AFDN: variants seen among roughly 807,000 people sequenced by gnomAD.
The protein encoded by AFDN is afadin.
AFDN carries 68 observed loss-of-function variants against 216.6 expected under a neutral mutation model. The observed-to-expected ratio is 0.31, with a 90% CI of 0.26 to 0.38. The LOEUF (loss-of-function observed/expected upper bound fraction) is 0.38, where lower values mean the gene tolerates loss of function less well. Among genes scored for constraint, AFDN ranks in the 10% least tolerant of loss-of-function variants. The probability of loss-of-function intolerance (pLI) is 1.00; values close to 1 mark genes in which losing one functional copy is unlikely to be tolerated. For synonymous variants in AFDN, 868 were observed against 853.7 expected (o/e 1.02, Z -0.29); for missense variants, 2,136 against 2,342.0 (o/e 0.91, Z 1.82).
intron 1 of AFDN, among the ~76,000 whole-genome samples, chr6:167,828,098 T>C (rs924969756): frequency 3.9e-5 from 6 of 152,190 alleles, no homozygotes; most frequent in South Asian, 2.1e-4. Context: ...GGTTCCGCGC[T>C]CTGTTCATTC....
chr6:167,828,003 T>G (rs1246407899), intron 1 of AFDN: 1 of 152,044 alleles, frequency 6.6e-6, no homozygotes, highest in Non-Finnish European at 1.5e-5. Flanking sequence ...AATGTTTGAG[T>G]CCAAGTCCAC....
At chr6:167,874,517 T>C (rs1785126495) in intron 4 of AFDN, among the ~76,000 whole-genome samples, 12 of 152,102 alleles carry the variant, frequency 7.9e-5, no homozygotes, top group Admixed American at 7.9e-4. Flanking sequence ...TTTTTGAAAA[T>C]TTAACTTCAA....
In AFDN at chr6:167,948,457, T is replaced by A. The variant is rs1562729037; in HGVS notation, c.3810T>A (p.Asn1270Lys). Residue 1270 changes from asparagine (N) to lysine (K), a missense_variant, in exon 29 of 34, where the codon AAT becomes AAA. Asn to Lys is a moderately conservative substitution (Grantham distance 94). Around this residue, in one of 8 missense-constraint regions of AFDN, gnomAD observed 981 missense variants for 966.0 expected, o/e 1.02. Transcript: ENST00000683244. The stretch of plus-strand genomic sequence containing the variant: ...AGCCACATATGCACACAGATAGTAA[T>A]CATTCCAGTATTGCAATTCAGGTTA... ...EEKPHMHTDSNHSSIAIQRVT... is the reference protein window; with the variant it reads ...EEKPHMHTDSKHSSIAIQRVT... 6.2e-7 allele frequency: 1 copy of A among 1,614,124 alleles called. No individual in the cohort carries two copies. The highest frequency in any genetic ancestry group is 1.7e-5 in the Admixed American group (1 of 60,022).
chr6:167,875,317 T>A lies in AFDN; in HGVS notation c.579-18T>A. On this transcript the variant is annotated intron_variant, in intron 4 of 33. Coordinates refer to ENST00000683244, the MANE Select transcript of AFDN (RefSeq NM_001386888.1). ...AAAACAGTGTTTAAAATATTTTTGG[T>A]ATTTTTTTTTCTTACAGTGAAAATT... is the stretch of plus-strand genomic sequence containing the variant. 3.8e-6 allele frequency: 6 copies of A among 1,591,704 alleles called. No individual in the cohort carries two copies. The highest frequency in any genetic ancestry group is 5.1e-6 in the Non-Finnish European group (6 of 1,171,214).
At chr6:167,831,431 A>G (rs1046962154) in intron 1 of AFDN, among the ~76,000 whole-genome samples, 1 of 152,162 alleles carries the variant, frequency 6.6e-6, no homozygotes, top group Non-Finnish European at 1.5e-5. Flanking sequence ...ATAACTGGTT[A>G]CGTTTTATGT....
chr6:167,862,091 C>T (rs1783640931), intron 1 of AFDN, among the ~76,000 whole-genome samples: 1 of 152,152 alleles, frequency 6.6e-6, no homozygotes, highest in Non-Finnish European at 1.5e-5. Context: ...ATGATAAAAT[C>T]TTAAATTTAT....
chr6:167,965,059 G>C (rs565669967), intron 31 of AFDN: 1 of 1,037,160 alleles, frequency 9.6e-7, no homozygotes, highest in Admixed American at 5.6e-5. Context: ...CTAATTTTCT[G>C]TCTGTTAGGG....
chr6:167,844,860 T>C (rs568057922), intron 1 of AFDN, among the ~76,000 whole-genome samples: 2 of 145,210 alleles, frequency 1.4e-5, no homozygotes, highest in African/African-American at 5.1e-5. Flanking sequence ...TTTTTTTTTT[T>C]TTTTTTTTTT....
intron 21 of AFDN, among the ~76,000 whole-genome samples, chr6:167,921,833 C>T (rs1791856406): frequency 6.6e-6 from 1 of 151,766 alleles, no homozygotes. Flanking sequence ...AGTAAAATTA[C>T]TTTGTATACT....
chr6:167,952,037 C>T lies in AFDN; in HGVS notation c.4683C>T (p.Ser1561=), dbSNP rs550376158. ...AACCGGACCGCAGCGCCGAGGAGAG[C>T]GACCGGCTGCGCAAGCTCATGCTGG... ...QSKPDRSAEE[S]DRLRKLMLEW... Residue 1561 remains serine, a synonymous_variant, in exon 30 of 34, where the codon AGC becomes AGT. Coordinates refer to ENST00000683244, the MANE Select transcript of AFDN (RefSeq NM_001386888.1). 8.7e-5 allele frequency: 141 copies of T among 1,614,104 alleles called. 1 individual carries two copies. In the South Asian group the frequency reaches 1.4e-3, roughly 16 times the overall value.
At chr6:167,881,374 T>C (rs1351840883) in intron 6 of AFDN, among the ~76,000 whole-genome samples, 1 of 152,156 alleles carries the variant, frequency 6.6e-6, no homozygotes, top group Non-Finnish European at 1.5e-5. Context: ...AATAAAGGAA[T>C]AAAAATTTGT....
chr6:167,842,356 A>G (rs1379284791), intron 1 of AFDN, among the ~76,000 whole-genome samples: 2 of 151,878 alleles, frequency 1.3e-5, no homozygotes, highest in Non-Finnish European at 2.9e-5. Flanking sequence ...GTGTATTGTA[A>G]TGCTGGATTC....
intron 23 of AFDN, among the ~76,000 whole-genome samples, chr6:167,939,993 T>G (rs1019354579): frequency 2.0e-5 from 3 of 152,244 alleles, no homozygotes; most frequent in African/African-American, 7.2e-5. Flanking sequence ...TATAAAAAGC[T>G]CAGTCTTTGC....
At chr6:167,895,016 TCA>T in intron 9 of AFDN, among the ~76,000 whole-genome samples, 1 of 152,344 alleles carries the variant, frequency 6.6e-6, no homozygotes, top group African/African-American at 2.4e-5. Flanking sequence ...TATATTGCAT[TCA>T]GTTTTCTTTA....
Position 167,835,922 on chromosome 6 carries a change from G to C in AFDN, c.105+8685G>C, listed in dbSNP as rs184368687. ...ATGTGTGTTCTAAGGTAGATATTAT[G>C]TGGTTTTCCAAGTAAGGCTATAATA... On this transcript the variant is annotated intron_variant, in intron 1 of 33. Coordinates refer to ENST00000683244, the MANE Select transcript of AFDN (RefSeq NM_001386888.1). Among the ~76,000 whole-genome samples, 14 of 152,264 alleles carry C rather than the reference G, an allele frequency of 9.2e-5. No individual in the cohort carries two copies. In the East Asian group the frequency reaches 2.3e-3, roughly 25 times the overall value.
chr6:167,884,457 A>T (rs1786526511), intron 6 of AFDN, among the ~76,000 whole-genome samples: 3 of 152,014 alleles, frequency 2.0e-5, no homozygotes, highest in African/African-American at 7.3e-5. Flanking sequence ...AGTCAAAATC[A>T]CTCCTTGTTC....
rs762096014 is a variant in AFDN at position 167,969,974 on chromosome 6, CT to C, written c.*43del. The C allele has an allele frequency of 1.9e-6, 3 of 1,556,552 alleles. No homozygotes were observed. On this transcript the variant is annotated 3_prime_UTR_variant, in exon 34 of 34. Transcript: ENST00000683244. Reference sequence around the variant, plus strand: ...GAACACTTTGTATTTACCCCAAAATCTTTTCAGTTGTGGGTTTGTAGGTGCG... The same window carrying C: ...GAACACTTTGTATTTACCCCAAAATCTTTCAGTTGTGGGTTTGTAGGTGCG...
intron 6 of AFDN, among the ~76,000 whole-genome samples, chr6:167,885,592 A>G (rs1447507457): frequency 6.6e-6 from 1 of 152,246 alleles, no homozygotes; most frequent in Non-Finnish European, 1.5e-5. Flanking sequence ...TGGCACCCCA[A>G]AACATTAGTA....
intron 30 of AFDN, among the ~76,000 whole-genome samples, chr6:167,961,109 C>G (rs1006443985): frequency 2.7e-4 from 41 of 151,734 alleles, no homozygotes; most frequent in Non-Finnish European, 4.1e-4. Context: ...AATTCCAGCA[C>G]TTAACATTGT....
Sources: allele counts gnomAD v4.1 joint callset (sites outside exome capture counted in the v4.1 genomes callset), GRCh38; gene constraint gnomAD v4.1.1; regional missense constraint gnomAD v4.1.1; transcripts MANE v1.5; gene names NCBI Gene and HGNC (gene_info 2026-07-23, HGNC 2026-07-21).